SGCZ: variants seen among roughly 807,000 people sequenced by gnomAD.
SGCZ encodes sarcoglycan zeta, also known as zeta-sarcoglycan.
SGCZ carries 40 observed loss-of-function variants against 41.3 expected under a neutral mutation model. The ratio of observed to expected loss-of-function variants is 0.97; its 90% confidence interval spans 0.75 to 1.26. The LOEUF is 1.26. Ranked by LOEUF, SGCZ falls within the 50% of genes most tolerant of loss-of-function variation. SGCZ has a pLI of 0.00. For missense variants in SGCZ, 552 were observed against 369.8 expected (o/e 1.49, Z -4.04); for synonymous variants, 206 against 137.5 (o/e 1.50, Z -3.49).
Position 15,204,982 on chromosome 8 carries a change from G to C in SGCZ, c.39+32603C>G, listed in dbSNP as rs547254862. ...AAATCTTTTATTCTAATTAGGTGAT[G>C]AGAAATAAGCACATCTACAGTAAAG... is the stretch of plus-strand genomic sequence containing the variant. On this transcript the variant is annotated intron_variant, in intron 1 of 7. Transcript: ENST00000382080. 7.9e-5 allele frequency among the ~76,000 whole-genome samples: 12 copies of C among 152,246 alleles called. No individual in the cohort carries two copies. The East Asian group carries it at 2.1e-3, about 27-fold the overall frequency.
At chr8:14,106,036 T>G (rs920902780) in intron 6 of SGCZ, among the ~76,000 whole-genome samples, 21 of 152,222 alleles carry the variant, frequency 1.4e-4, no homozygotes, top group Non-Finnish European at 1.8e-4. Flanking sequence ...GAATCAATGC[T>G]CTTCACATGT....
chr8:14,805,692 A>T (rs1158766235), intron 1 of SGCZ, among the ~76,000 whole-genome samples: 1 of 151,874 alleles, frequency 6.6e-6, no homozygotes, highest in Middle Eastern at 3.2e-3. Flanking sequence ...GTCACCAAGG[A>T]TACCCAGGAA....
chr8:15,006,876 G>A (rs1802623801), intron 1 of SGCZ, among the ~76,000 whole-genome samples: 1 of 152,108 alleles, frequency 6.6e-6, no homozygotes, highest in African/African-American at 2.4e-5. Context: ...ATACATTTTT[G>A]TAACCCAGAG....
intron 1 of SGCZ, among the ~76,000 whole-genome samples, chr8:14,606,955 G>C (rs1227345893): frequency 6.6e-6 from 1 of 152,110 alleles, no homozygotes; most frequent in African/African-American, 2.4e-5. Context: ...ACTGTGTGAG[G>C]CTAATGTTAC....
chr8:14,138,990 T>A (rs1476345285), intron 5 of SGCZ, among the ~76,000 whole-genome samples: 1 of 152,098 alleles, frequency 6.6e-6, no homozygotes, highest in Non-Finnish European at 1.5e-5. Context: ...TAACAAACTG[T>A]CTCTCAGACC....
At chr8:14,963,922 C>T (rs1801048565) in intron 1 of SGCZ, among the ~76,000 whole-genome samples, 1 of 151,948 alleles carries the variant, frequency 6.6e-6, no homozygotes, top group African/African-American at 2.4e-5. Flanking sequence ...TTTTTTATCC[C>T]AGAAAAAATT....
chr8:14,513,994 T>C (rs918312406), intron 2 of SGCZ, among the ~76,000 whole-genome samples: 41 of 152,136 alleles, frequency 2.7e-4, no homozygotes, highest in African/African-American at 9.6e-4. Flanking sequence ...ATATTTGCAA[T>C]ATTTCAGGGG....
chr8:14,702,809 T>G lies in SGCZ; in HGVS notation c.40-147883A>C, dbSNP rs1246823428. 5.1e-5 allele frequency among the ~76,000 whole-genome samples: 6 copies of G among 117,310 alleles called. 1 individual carries two copies. The highest frequency in any genetic ancestry group is 8.8e-5 in the Admixed American group (1 of 11,350). The allele number at this position is 117,310 out of a possible 152,430, so 77.0% of individuals were successfully genotyped here. ...GACAGACAGGCAGACAGGTAGGTAG[T>G]TAGGTAGATAGATAGATAGATAGAT... On this transcript the variant is annotated intron_variant, in intron 1 of 7. Transcript: ENST00000382080.
intron 1 of SGCZ, among the ~76,000 whole-genome samples, chr8:14,888,232 G>A (rs1389243810): frequency 1.3e-5 from 2 of 152,098 alleles, no homozygotes; most frequent in Non-Finnish European, 2.9e-5. Flanking sequence ...ACAAAAGATG[G>A]CTAAGATTGC....
At chr8:14,330,192 C>T (rs1032090473) in intron 2 of SGCZ, among the ~76,000 whole-genome samples, 8 of 152,086 alleles carry the variant, frequency 5.3e-5, no homozygotes, top group African/African-American at 1.9e-4. Context: ...TTTACCTCTT[C>T]TTTAAAAGTT....
At chr8:14,975,090 A>G (rs1311640403) in intron 1 of SGCZ, among the ~76,000 whole-genome samples, 1 of 152,074 alleles carries the variant, frequency 6.6e-6, no homozygotes, top group African/African-American at 2.4e-5. Context: ...GCAGATCACA[A>G]GGTCAGGAGA....
intron 1 of SGCZ, among the ~76,000 whole-genome samples, chr8:14,675,541 A>C (rs554789651): frequency 6.6e-6 from 1 of 152,244 alleles, no homozygotes; most frequent in Non-Finnish European, 1.5e-5. Flanking sequence ...CATTGTATAT[A>C]TAGATTCCTC....
intron 2 of SGCZ, among the ~76,000 whole-genome samples, chr8:14,540,767 C>T (rs555831281): frequency 2.0e-5 from 3 of 151,846 alleles, no homozygotes; most frequent in Admixed American, 2.0e-4. Flanking sequence ...TATATTATCT[C>T]ATGGAAAGAA....
At chr8:14,114,022 G>A (rs757409287) in intron 5 of SGCZ, among the ~76,000 whole-genome samples, 8 of 151,834 alleles carry the variant, frequency 5.3e-5, no homozygotes, top group Admixed American at 2.0e-4. Context: ...CCCAGTTGCC[G>A]CAGGTCCTTG....
At chr8:14,357,305 C>G (rs1363021619) in intron 2 of SGCZ, among the ~76,000 whole-genome samples, 3 of 152,082 alleles carry the variant, frequency 2.0e-5, no homozygotes, top group Non-Finnish European at 4.4e-5. Context: ...GCAAAGCATA[C>G]TTTGATAAGC....
chr8:14,115,834 A>G (rs1335881933), intron 5 of SGCZ, among the ~76,000 whole-genome samples: 1 of 151,882 alleles, frequency 6.6e-6, no homozygotes, highest in Non-Finnish European at 1.5e-5. Context: ...CCTTAATCCT[A>G]TCTTTTTTCC....
intron 1 of SGCZ, among the ~76,000 whole-genome samples, chr8:15,100,514 G>GTTAGT (rs1806565865): frequency 6.6e-6 from 1 of 152,164 alleles, no homozygotes; most frequent in African/African-American, 2.4e-5. Context: ...ATATTAAGAA[G>GTTAGT]TTAGTTTTTC....
At chr8:14,670,739 C>G (rs1808075411) in intron 1 of SGCZ, among the ~76,000 whole-genome samples, 1 of 152,094 alleles carries the variant, frequency 6.6e-6, no homozygotes, top group African/African-American at 2.4e-5. Flanking sequence ...ATTTTCAGTA[C>G]AACCCATGAG....
At chr8:14,161,207 C>G (rs1313630135) in intron 5 of SGCZ, 1 of 152,190 alleles carries the variant, frequency 6.6e-6, no homozygotes, top group Non-Finnish European at 1.5e-5. Context: ...CGCTCTAAAT[C>G]TGCATGCTAT....
Sources: allele counts gnomAD v4.1 joint callset (sites outside exome capture counted in the v4.1 genomes callset), GRCh38; gene constraint gnomAD v4.1.1; transcripts MANE v1.5; gene names NCBI Gene and HGNC (gene_info 2026-07-23, HGNC 2026-07-21).